ADD1: variants seen among roughly 807,000 people sequenced by gnomAD.
ADD1 encodes alpha-adducin.
ADD1 carries 24 observed loss-of-function variants against 80.5 expected under a neutral mutation model. The observed-to-expected ratio is 0.30, with a 90% CI of 0.22 to 0.42. The LOEUF is 0.42. Ranked by LOEUF, ADD1 falls within the 10% of genes least tolerant of loss-of-function variation. The probability of loss-of-function intolerance (pLI) is 1.00; values close to 1 mark genes in which losing one functional copy is unlikely to be tolerated. For missense variants in ADD1, 948 were observed against 1,019.0 expected, an observed-to-expected ratio of 0.93 and a Z score of 0.95; for synonymous variants, 373 against 393.8, an observed-to-expected ratio of 0.95 and a Z score of 0.63.
Position 2,875,920 on chromosome 4 carries a change from A to G in ADD1, c.5A>G (p.Asn2Ser). 1.3e-6 allele frequency: 2 copies of G among 1,591,204 alleles called. No individual in the cohort carries two copies. Among genetic ancestry groups the G allele is most frequent in the Non-Finnish European group, 1.7e-6 (2 of 1,172,056 alleles). ...GGAACCTAGAAAGATTGTACAATGA[A>G]TGGTGATTCTCGTGCTGCGGTGGTG... is the stretch of plus-strand genomic sequence containing the variant. MNGDSRAAVVTS... is the reference protein window; with the variant it reads MSGDSRAAVVTS... Residue 2 changes from asparagine to serine, a missense_variant, in exon 2 of 16, where the codon AAT becomes AGT. By Grantham distance (46) the Asn-to-Ser change is conservative (BLOSUM62 1). Transcript: ENST00000683351.
At chr4:2,887,444 G>A (rs773395011) in intron 4 of ADD1, 25 of 114,042 alleles carry the variant, frequency 2.2e-4, no homozygotes, top group Non-Finnish European at 3.8e-4. Flanking sequence ...TTGGAGAAGT[G>A]TTTGTGGGGG....
At chr4:2,910,606 G>A (rs1737861735) in intron 13 of ADD1, among the ~76,000 whole-genome samples, 1 of 151,986 alleles carries the variant, frequency 6.6e-6, no homozygotes, top group Non-Finnish European at 1.5e-5. Context: ...GGCCTCCTGT[G>A]TAGAGCCCAC....
intron 4 of ADD1, among the ~76,000 whole-genome samples, chr4:2,885,649 G>A (rs547634537): frequency 3.3e-5 from 5 of 150,078 alleles, no homozygotes; most frequent in Non-Finnish European, 5.9e-5. Context: ...TTGCTCTGTT[G>A]CCCAGGCTGG....
chr4:2,907,635 C>T, intron 10 of ADD1, 108 bp from the exon 11 acceptor site: 1 of 947,744 alleles, frequency 1.1e-6, no homozygotes, highest in South Asian at 1.4e-5. Flanking sequence ...TCAGTCCTCT[C>T]TGTGATGTTC....
At chr4:2,881,335 T>C (rs887909683) in intron 2 of ADD1, among the ~76,000 whole-genome samples, 9 of 152,282 alleles carry the variant, frequency 5.9e-5, no homozygotes, top group African/African-American at 2.2e-4. Context: ...TGCCTTCGCC[T>C]CCTAAAGTGC....
intron 10 of ADD1, among the ~76,000 whole-genome samples, chr4:2,906,274 C>A (rs1737047133): frequency 6.6e-6 from 1 of 152,110 alleles, no homozygotes; most frequent in South Asian, 2.1e-4. Context: ...GGGAGTGCGT[C>A]TCTCCTCTTC....
At chr4:2,925,328 G>A (rs1577752512) in intron 14 of ADD1, among the ~76,000 whole-genome samples, 1 of 151,896 alleles carries the variant, frequency 6.6e-6, no homozygotes, top group Non-Finnish European at 1.5e-5. Context: ...ATAGCTGCTG[G>A]TTCAAAATAC....
intron 1 of ADD1, chr4:2,853,724 C>T (rs900210669): frequency 3.3e-5 from 5 of 152,202 alleles, no homozygotes; most frequent in African/African-American, 1.2e-4. Context: ...CTCCCTCAGT[C>T]TCCCAAGTAG....
At position 2,923,387 on chromosome 4, in the gene ADD1, T is replaced by G. The variant is rs188921192; in HGVS notation, c.1949-2627T>G. Among the ~76,000 whole-genome samples the G allele has an allele frequency of 1.1e-3, 167 of 152,318 alleles. 1 individual carries two copies. Among genetic ancestry groups the G allele is most frequent in the Admixed American group, 3.6e-3 (55 of 15,306 alleles). On this transcript the variant is annotated intron_variant, in intron 14 of 15. Coordinates refer to ENST00000683351, the MANE Select transcript of ADD1 (RefSeq NM_001354761.2). ...TCCCTCATGGCTTCCCTTGGCTAGA[T>G]GAGGGAGTTCCCCGACTCCTTGCAC...
At chr4:2,900,334 A>C (rs1735967453) in intron 9 of ADD1, 1 of 152,484 alleles carries the variant, frequency 6.6e-6, no homozygotes, top group Non-Finnish European at 1.5e-5. Flanking sequence ...CATCAGACAC[A>C]GGGCTCTGGA....
At chr4:2,924,156 T>C (rs567060457) in intron 14 of ADD1, among the ~76,000 whole-genome samples, 9 of 152,366 alleles carry the variant, frequency 5.9e-5, no homozygotes, top group African/African-American at 1.4e-4. Flanking sequence ...AAGGCGGTCT[T>C]GTTTTTGTCA....
intron 9 of ADD1, chr4:2,902,642 AG>A (rs1342152479): frequency 6.6e-6 from 1 of 152,242 alleles, no homozygotes; most frequent in Non-Finnish European, 1.5e-5. Flanking sequence ...AGGTAGAAGA[AG>A]CACTTGAACC....
chr4:2,860,527 C>T (rs1302517050), intron 1 of ADD1, among the ~76,000 whole-genome samples: 1 of 152,140 alleles, frequency 6.6e-6, no homozygotes, highest in East Asian at 1.9e-4. Context: ...AGAAACAAAA[C>T]TTAGATTAGC....
chr4:2,880,433 A>G (rs1423985505), intron 2 of ADD1, among the ~76,000 whole-genome samples: 2 of 130,666 alleles, frequency 1.5e-5, no homozygotes, highest in Middle Eastern at 3.9e-3. Flanking sequence ...GATATCATTT[A>G]TAATTGTTTG....
At chr4:2,914,486 C>T (rs973262237) in intron 13 of ADD1, among the ~76,000 whole-genome samples, 8 of 152,330 alleles carry the variant, frequency 5.3e-5, no homozygotes, top group East Asian at 1.9e-4. Context: ...TGCTGTACCT[C>T]GTGACAGTTT....
chr4:2,927,587 C>A (rs540714102), intron 15 of ADD1, among the ~76,000 whole-genome samples: 259 of 152,380 alleles, frequency 1.7e-3, no homozygotes, highest in Non-Finnish European at 3.1e-3. Flanking sequence ...GATGGCCACT[C>A]CTGATGCTGG....
At chr4:2,901,532 T>G (rs1736177906) in intron 9 of ADD1, 1 of 152,238 alleles carries the variant, frequency 6.6e-6, no homozygotes, top group African/African-American at 2.4e-5. Context: ...CCATATAGTT[T>G]ATAAGAAATA....
chr4:2,860,967 T>C (rs1473824948), intron 1 of ADD1, among the ~76,000 whole-genome samples: 1 of 152,118 alleles, frequency 6.6e-6, no homozygotes, highest in Non-Finnish European at 1.5e-5. Context: ...TCCAGGGTGA[T>C]TTGAGAGAGC....
At chr4:2,853,758 C>A (rs1727667451) in intron 1 of ADD1, 1 of 152,138 alleles carries the variant, frequency 6.6e-6, no homozygotes, top group South Asian at 2.1e-4. Flanking sequence ...TGCCCGCCAC[C>A]ACGCCTGGCT....
Sources: allele counts gnomAD v4.1 joint callset (sites outside exome capture counted in the v4.1 genomes callset), GRCh38; gene constraint gnomAD v4.1.1; transcripts MANE v1.5; gene names NCBI Gene and HGNC (gene_info 2026-07-23, HGNC 2026-07-21).